Variants in PTBP3 observed in about 807,000 individuals in gnomAD.
PTBP3 encodes the protein polypyrimidine tract-binding protein 3.
Under a neutral mutation model 58.7 loss-of-function variants are expected in PTBP3, and 20 were observed. That is an observed-to-expected ratio of 0.34 (90% CI 0.24 to 0.50). The LOEUF is 0.50. Among genes scored for constraint, PTBP3 ranks in the 20% least tolerant of loss-of-function variants. The pLI, the probability that PTBP3 is intolerant of heterozygous loss-of-function variation, is 0.98. For missense variants in PTBP3, 509 were observed against 637.2 expected (o/e 0.80, Z 2.17); for synonymous variants, 185 against 219.8 (o/e 0.84, Z 1.40).
intron 7 of PTBP3, among the ~76,000 whole-genome samples, chr9:112,245,988 ATT>A (rs369101910): frequency 2.0e-5 from 3 of 146,518 alleles, no homozygotes; most frequent in African/African-American, 7.5e-5. Flanking sequence ...CAAGAAAAAC[ATT>A]TTTTTTTTTT....
In PTBP3 at chr9:112,234,869, A is replaced by G. The variant is rs760255996; in HGVS notation, c.831T>C (p.Tyr277=). 2 of 1,612,930 alleles carry G rather than the reference A, an allele frequency of 1.2e-6. No homozygotes were observed. The highest frequency in any genetic ancestry group is 3.3e-5 in the Admixed American group (2 of 59,934). The change falls in exon 8 of 14, where the codon TAT becomes TAC. Residue 277 remains tyrosine, a synonymous_variant. Coordinates refer to ENST00000374257, the MANE Select transcript of PTBP3 (RefSeq NM_001163788.4). ...CTGGGGCAAATCCAGCAGCCCCTGC[A>G]TATGGTGAAGAAATTATACCCGGTG... is the stretch of plus-strand genomic sequence containing the variant. ...FGAPGIISSP[Y]AGAAGFAPAI...
intron 3 of PTBP3, among the ~76,000 whole-genome samples, chr9:112,269,114 T>C (rs750582307): frequency 4.0e-5 from 6 of 150,868 alleles, no homozygotes; most frequent in East Asian, 2.0e-4. Context: ...GGAGAATCAC[T>C]TGAACCCAGG....
In PTBP3 at chr9:112,290,492, T is replaced by C. The variant is rs370220273; in HGVS notation, c.34+7340A>G. On this transcript the variant is annotated intron_variant, in intron 2 of 13. Transcript: ENST00000374257. ...TTCGAGACCAGCCTGGCCAACATGGTAAAACCCTGTCTCTAATAAAAATAT... is the reference window on the plus strand; with the variant it reads ...TTCGAGACCAGCCTGGCCAACATGGCAAAACCCTGTCTCTAATAAAAATAT... Among the ~76,000 whole-genome samples, 4 of 151,616 alleles carry C rather than the reference T, an allele frequency of 2.6e-5. No individual in the cohort carries two copies. In the East Asian group the frequency reaches 5.8e-4, roughly 22 times the overall value.
At chr9:112,315,796 A>C (rs1337001978) in intron 1 of PTBP3, among the ~76,000 whole-genome samples, 2 of 152,196 alleles carry the variant, frequency 1.3e-5, no homozygotes, top group Admixed American at 6.6e-5. Context: ...AGAAGGGAAC[A>C]CTTTCCAACT....
intron 6 of PTBP3, 79 bp downstream of exon 6, chr9:112,252,599 C>A: frequency 5.6e-6 from 6 of 1,075,236 alleles, no homozygotes; most frequent in South Asian, 2.8e-5. Flanking sequence ...TTTTTAAAAA[C>A]ACATGGTAAA....
intron 5 of PTBP3, among the ~76,000 whole-genome samples, chr9:112,256,272 AATATATATATATATATATATACAT>A (rs1451439006): frequency 6.5e-4 from 54 of 82,930 alleles, no homozygotes; most frequent in African/African-American, 2.1e-3. Flanking sequence ...AAAAAAACAA[AATATATATATATATATATATACAT>A]ATATATATAT....
chr9:112,325,059 T>C (rs1307979349), intron 1 of PTBP3, among the ~76,000 whole-genome samples: 1 of 152,212 alleles, frequency 6.6e-6, no homozygotes, highest in Non-Finnish European at 1.5e-5. Flanking sequence ...GTAGCTTTAT[T>C]CATAATAGCC....
chr9:112,274,204 G>C (rs926418116), intron 3 of PTBP3, among the ~76,000 whole-genome samples: 2 of 152,174 alleles, frequency 1.3e-5, no homozygotes, highest in African/African-American at 4.8e-5. Flanking sequence ...AACCTCATGT[G>C]AATTTAAGAG....
Position 112,269,161 on chromosome 9 carries a change from C to T in PTBP3, c.205-966G>A, listed in dbSNP as rs370010044. On this transcript the variant is annotated intron_variant, in intron 3 of 13. Coordinates refer to ENST00000374257, the MANE Select transcript of PTBP3 (RefSeq NM_001163788.4). ...GCAGTGAGCCGAGATCGCGCCATTGCACTCCAGCCTGGGTGACTGAGCGAA... is the reference window on the plus strand; with the variant it reads ...GCAGTGAGCCGAGATCGCGCCATTGTACTCCAGCCTGGGTGACTGAGCGAA... Among the ~76,000 whole-genome samples the T allele has an allele frequency of 3.2e-4, 46 of 142,580 alleles. 2 individuals carry two copies. The highest frequency in any genetic ancestry group is 2.3e-3 in the East Asian group (11 of 4,856). The allele number at this position is 142,580 out of a possible 152,430, so 93.5% of individuals were successfully genotyped here.
chr9:112,337,918 A>G (rs1830589822), upstream of PTBP3, among the ~76,000 whole-genome samples: 1 of 152,278 alleles, frequency 6.6e-6, no homozygotes, highest in Non-Finnish European at 1.5e-5. Flanking sequence ...GTCAGAAATA[A>G]TACCAGCTAT....
intron 1 of PTBP3, among the ~76,000 whole-genome samples, chr9:112,320,314 A>ATATATATATATATATTTTTTT: frequency 8.7e-4 from 66 of 75,650 alleles, no homozygotes; most frequent in Non-Finnish European, 1.4e-3. Flanking sequence ...ATATATATAT[A>ATATATATATATATATTTTTTT]TTTTTTTTTA....
the PTBP3 span, among the ~76,000 whole-genome samples, chr9:112,376,898 A>G: frequency 6.6e-6 from 1 of 152,202 alleles, no homozygotes; most frequent in Admixed American, 6.5e-5. Context: ...CAATACCATC[A>G]AGTTGACACT....
the PTBP3 span, among the ~76,000 whole-genome samples, chr9:112,356,178 C>A: frequency 2.0e-5 from 3 of 151,954 alleles, no homozygotes; most frequent in Non-Finnish European, 4.4e-5. Context: ...AGGATTTCAC[C>A]ATGTCGACCA....
intron 1 of PTBP3, among the ~76,000 whole-genome samples, chr9:112,315,035 G>A (rs918171468): frequency 6.6e-6 from 1 of 152,022 alleles, no homozygotes; most frequent in Non-Finnish European, 1.5e-5. Flanking sequence ...GTGTCACCGT[G>A]TTAGCCAGGA....
At chr9:112,227,689 GACA>G (rs1417389699) in intron 11 of PTBP3, 62 bp from the exon 12 acceptor site, 4 of 1,172,258 alleles carry the variant, frequency 3.4e-6, no homozygotes, top group Admixed American at 1.7e-5. Context: ...AGTAGTATCT[GACA>G]ACATTACCAT....
chr9:112,292,582 A>C, intron 2 of PTBP3, among the ~76,000 whole-genome samples: 1 of 152,194 alleles, frequency 6.6e-6, no homozygotes, highest in East Asian at 1.9e-4. Context: ...ATATACCTAC[A>C]ATTATTCACC....
At chr9:112,360,956 A>C in the PTBP3 span, among the ~76,000 whole-genome samples, 1 of 152,112 alleles carries the variant, frequency 6.6e-6, no homozygotes. Flanking sequence ...GAGAGTCCTT[A>C]TTTGATAACT....
At chr9:112,266,502 GA>G (rs1482514664) in intron 4 of PTBP3, among the ~76,000 whole-genome samples, 4 of 152,042 alleles carry the variant, frequency 2.6e-5, no homozygotes, top group Non-Finnish European at 4.4e-5. Flanking sequence ...ATATACATTG[GA>G]ATACACATTG....
chr9:112,242,129 T>A (rs1355405156), intron 7 of PTBP3, among the ~76,000 whole-genome samples: 2 of 152,192 alleles, frequency 1.3e-5, no homozygotes, highest in African/African-American at 4.8e-5. Context: ...TTAATTAATT[T>A]ATTTATATAT....
Sources: gnomAD v4.1 joint callset for allele counts (sites outside exome capture counted in the v4.1 genomes callset) on GRCh38, gnomAD v4.1.1 for gene constraint, MANE v1.5 for transcripts, NCBI Gene and HGNC (gene_info 2026-07-23, HGNC 2026-07-21) for gene names.